MALAT1: variants seen among roughly 807,000 people sequenced by gnomAD.
The protein encoded by MALAT1 is metastasis associated lung adenocarcinoma transcript 1.
intron 3 of MALAT1, chr11:65,505,653 C>T (rs776606162): frequency 1.7e-5 from 9 of 519,014 alleles, no homozygotes; most frequent in Admixed American, 3.9e-5. Flanking sequence ...GATCCATAAT[C>T]GGTTTCAAGG....
At chr11:65,504,043 C>T (rs1854616588) in intron 3 of MALAT1, 2 of 518,022 alleles carry the variant, frequency 3.9e-6, no homozygotes, top group Non-Finnish European at 7.7e-6. Flanking sequence ...TGCTTACAAT[C>T]TTAGAGTGGT....
At chr11:65,498,597 C>G (rs762332313) in intron 1 of MALAT1, 8 of 518,840 alleles carry the variant, frequency 1.5e-5, no homozygotes, top group South Asian at 9.8e-5. Context: ...TTTGCCACTT[C>G]TCAACCGTCC....
intron 3 of MALAT1, chr11:65,504,536 C>T: frequency 1.9e-6 from 1 of 518,866 alleles, no homozygotes; most frequent in Middle Eastern, 3.2e-4. Flanking sequence ...GAAATTTCTG[C>T]AGTTTTAAGC....
At chr11:65,499,422 A>G (rs775371307) in exon 3 of MALAT1, 2 of 481,120 alleles carry the variant, frequency 4.2e-6, no homozygotes, top group Admixed American at 2.2e-5. Flanking sequence ...ATTAAAATGA[A>G]GGTGACTTAA....
At chr11:65,504,649 C>G (rs755236121) in intron 3 of MALAT1, 2 of 518,868 alleles carry the variant, frequency 3.9e-6, no homozygotes, top group Admixed American at 3.9e-5. Context: ...AGCCTTTAGT[C>G]TTTTCCAGAT....
At chr11:65,502,675 T>C (rs772479644) in exon 3 of MALAT1, 6 of 493,002 alleles carry the variant, frequency 1.2e-5, no homozygotes, top group Non-Finnish European at 4.0e-6. Flanking sequence ...ATAACCAGCC[T>C]GGCAGTATGA....
At chr11:65,499,793 G>C (rs990603957) in exon 3 of MALAT1, 4 of 417,408 alleles carry the variant, frequency 9.6e-6, no homozygotes, top group Non-Finnish European at 1.8e-5. Flanking sequence ...GAAGAAAAAA[G>C]ACAAGCTAGG....
At chr11:65,506,211 T>C (rs750708550) in intron 3 of MALAT1, 3 of 454,002 alleles carry the variant, frequency 6.6e-6, no homozygotes, top group South Asian at 3.3e-5. Flanking sequence ...GGACTCTTTC[T>C]GTATTTCTCC....
intron 1 of MALAT1, chr11:65,498,350 C>T (rs1251993366): frequency 1.9e-6 from 1 of 517,690 alleles, no homozygotes; most frequent in Non-Finnish European, 3.9e-6. Flanking sequence ...CTGGCGGCAA[C>T]TGGGGGGCCG....
intron 1 of MALAT1, chr11:65,498,469 A>T: frequency 3.9e-6 from 2 of 518,498 alleles, no homozygotes; most frequent in East Asian, 5.4e-5. Context: ...CACGTTTCTA[A>T]GATTTCCCAA....
At chr11:65,505,664 T>TA (rs1464274457) in intron 3 of MALAT1, 2 of 518,890 alleles carry the variant, frequency 3.9e-6, no homozygotes, top group Non-Finnish European at 7.7e-6. Flanking sequence ...GGTTTCAAGG[T>TA]AACGATGGTG....
intron 3 of MALAT1, chr11:65,504,186 T>C (rs780834661): frequency 1.9e-6 from 1 of 517,720 alleles, no homozygotes; most frequent in South Asian, 1.4e-5. Flanking sequence ...ATATGAGTGC[T>C]TGGCTCTTCC....
chr11:65,502,035 C>T, exon 3 of MALAT1: 1 of 516,374 alleles, frequency 1.9e-6, no homozygotes, highest in Non-Finnish European at 3.9e-6. Context: ...AGTTTTTTTC[C>T]CCCCAGTTTG....
chr11:65,500,494 C>T lies in MALAT1; in HGVS notation n.1757C>T, dbSNP rs181032965. ...GATGAAGCTAGGACTGAGGAGCAAG[C>T]GAGCAAGCAGCAGTTCGTGGTGAAG... is the stretch of plus-strand genomic sequence containing the variant. On this transcript the variant is annotated non_coding_transcript_exon_variant, in exon 3 of 4. Coordinates refer to ENST00000619449, the Ensembl canonical transcript of MALAT1. The T allele has an allele frequency of 7.7e-6, 4 of 518,818 alleles. No individual in the cohort carries two copies. In the Admixed American group the frequency reaches 7.8e-5, roughly 10 times the overall value. 32.1% of individuals were successfully genotyped at this position (518,818 alleles called of 1,614,324 possible).
chr11:65,499,064 G>GC (rs1159942168), exon 3 of MALAT1: 1 of 518,146 alleles, frequency 1.9e-6, no homozygotes, highest in South Asian at 1.4e-5. Context: ...GGCAGCCAGC[G>GC]CAGGGGCTTC....
At position 65,504,421 on chromosome 11, in the gene MALAT1, A is replaced by G. The variant is rs149582996; in HGVS notation, n.5168+516A>G. 9.3e-4 allele frequency: 483 copies of G among 518,796 alleles called. 1 individual carries two copies. Among genetic ancestry groups the G allele is most frequent in the Non-Finnish European group, 1.4e-3 (361 of 259,802 alleles). 32.1% of individuals were successfully genotyped at this position (518,796 alleles called of 1,614,324 possible). A position where few individuals can be genotyped will look rare whatever the true frequency, so the allele number is the denominator to read the frequency against. On this transcript the variant is annotated intron_variant and non_coding_transcript_variant, in intron 3 of 3. Transcript: ENST00000619449. ...TCTGATCCCGCTGCTATTAGAATGC[A>G]TTGTGAAACGACTGGAGTATGATTA...
exon 4 of MALAT1, chr11:65,506,297 A>T (rs766583772): frequency 6.5e-6 from 3 of 462,744 alleles, no homozygotes; most frequent in South Asian, 4.9e-5. Context: ...AACTATATAC[A>T]TCCTTGATGT....
chr11:65,498,377 A>C (rs771617777), intron 1 of MALAT1: 1 of 518,400 alleles, frequency 1.9e-6, no homozygotes, highest in Admixed American at 1.9e-5. Context: ...AGAGTGGGCC[A>C]CTGGCAGCCA....
At chr11:65,499,116 T>G in exon 3 of MALAT1, 1 of 517,986 alleles carries the variant, frequency 1.9e-6, no homozygotes, top group Non-Finnish European at 3.9e-6. Context: ...CGCAGATAAG[T>G]TTTTTTCTCT....
Sources: gnomAD v4.1 joint callset for allele counts on GRCh38, gnomAD v4.1.1 for gene constraint, MANE v1.5 for transcripts, NCBI Gene and HGNC (gene_info 2026-07-23, HGNC 2026-07-21) for gene names.